FAM13C: variants seen among roughly 807,000 people sequenced by gnomAD.
The protein encoded by FAM13C is protein FAM13C.
Under a neutral mutation model 73.2 loss-of-function variants are expected in FAM13C, and 37 were observed. The ratio of observed to expected loss-of-function variants is 0.51; its 90% CI spans 0.39 to 0.67. FAM13C has a LOEUF of 0.67. Ranked by LOEUF, FAM13C falls within the 30% of genes least tolerant of loss-of-function variation. The pLI is 0.00. For missense variants in FAM13C, 589 were observed against 715.6 expected (o/e 0.82, Z 2.02); for synonymous variants, 246 against 260.9 (o/e 0.94, Z 0.55).
At chr10:59,328,479 C>T (rs1215381870) in intron 3 of FAM13C, among the ~76,000 whole-genome samples, 3 of 151,152 alleles carry the variant, frequency 2.0e-5, no homozygotes, top group Non-Finnish European at 4.4e-5. Flanking sequence ...AAATCCATGG[C>T]CATCAAGAAA....
intron 5 of FAM13C, among the ~76,000 whole-genome samples, chr10:59,295,900 T>C (rs976864455): frequency 6.6e-6 from 1 of 152,204 alleles, no homozygotes; most frequent in Non-Finnish European, 1.5e-5. Context: ...CTAAGTTTTC[T>C]GCTATATGTC....
At chr10:59,251,295 T>A in intron 13 of FAM13C, 1 of 412,882 alleles carries the variant, frequency 2.4e-6, no homozygotes, top group Non-Finnish European at 4.2e-6. Context: ...ATAAATTCAT[T>A]TATTTATGAT....
At chr10:59,323,753 C>A (rs760142073) in intron 4 of FAM13C, among the ~76,000 whole-genome samples, 24 of 152,184 alleles carry the variant, frequency 1.6e-4, no homozygotes, top group Non-Finnish European at 2.5e-4. Flanking sequence ...CCACTTCCCC[C>A]TGAGCCTTAA....
intron 12 of FAM13C, 36 bp downstream of exon 12, chr10:59,252,763 T>C: frequency 6.2e-7 from 1 of 1,601,024 alleles, no homozygotes; most frequent in African/African-American, 1.3e-5. Context: ...CCAGAAGGAG[T>C]TAAGAGGAGA....
At chr10:59,360,949 G>C (rs1856331887) in intron 1 of FAM13C, 1 of 1,123,722 alleles carries the variant, frequency 8.9e-7, no homozygotes, top group African/African-American at 1.6e-5. Context: ...CCGAGGATTT[G>C]GCCACACCAG....
intron 1 of FAM13C, chr10:59,361,212 G>GTTT: frequency 1.5e-5 from 9 of 592,452 alleles, no homozygotes; most frequent in African/African-American, 6.1e-5. Context: ...AGTCAATCCT[G>GTTT]TTTTTTTTTT....
At chr10:59,249,757 T>G (rs916257490) in intron 13 of FAM13C, among the ~76,000 whole-genome samples, 1 of 152,354 alleles carries the variant, frequency 6.6e-6, no homozygotes, top group South Asian at 2.1e-4. Context: ...AGATCATCAC[T>G]TGTGCATTTA....
chr10:59,248,093 C>T (rs956998414), intron 13 of FAM13C, among the ~76,000 whole-genome samples: 6 of 152,074 alleles, frequency 3.9e-5, no homozygotes, highest in African/African-American at 1.4e-4. Context: ...TTGCCACACC[C>T]CTACAGCTGT....
intron 10 of FAM13C, among the ~76,000 whole-genome samples, chr10:59,258,943 C>CAT (rs1315286321): frequency 2.0e-5 from 3 of 152,102 alleles, no homozygotes; most frequent in Non-Finnish European, 4.4e-5. Context: ...ATTACTCATC[C>CAT]CCTTGGTAAT....
intron 5 of FAM13C, among the ~76,000 whole-genome samples, chr10:59,291,013 T>C (rs1308158041): frequency 5.3e-5 from 8 of 152,092 alleles, no homozygotes; most frequent in Non-Finnish European, 1.2e-4. Context: ...GTTCAGTAGG[T>C]CTGAGGCAGG....
In FAM13C at chr10:59,359,853, A is replaced by G. The variant is rs566178098; in HGVS notation, c.62+2546T>C. ...TGATATTGATGATCAGTTAGCTTTGAGAACCACTGGTTTGAATGATAACTA... is the reference window on the plus strand; with the variant it reads ...TGATATTGATGATCAGTTAGCTTTGGGAACCACTGGTTTGAATGATAACTA... On this transcript the variant is annotated intron_variant, in intron 1 of 13. Transcript: ENST00000618804. Among the ~76,000 whole-genome samples, 11 of 152,346 alleles carry G rather than the reference A, an allele frequency of 7.2e-5. No individual in the cohort carries two copies. In the South Asian group the frequency reaches 2.3e-3, roughly 32 times the overall value.
chr10:59,306,597 C>G (rs556545380), intron 4 of FAM13C, among the ~76,000 whole-genome samples: 1 of 152,122 alleles, frequency 6.6e-6, no homozygotes, highest in Non-Finnish European at 1.5e-5. Flanking sequence ...GGTGAGAGGC[C>G]GGGCGTTGTG....
intron 3 of FAM13C, 27 bp downstream of exon 3, chr10:59,352,243 A>G (rs749006976): frequency 1.2e-6 from 2 of 1,612,192 alleles, no homozygotes; most frequent in East Asian, 4.5e-5. Flanking sequence ...CCGTCTTGGC[A>G]AAAGCCTGAG....
chr10:59,338,607 G>C (rs1313072498), intron 3 of FAM13C, among the ~76,000 whole-genome samples: 3 of 152,188 alleles, frequency 2.0e-5, no homozygotes, highest in Non-Finnish European at 4.4e-5. Context: ...CCATGTTGTA[G>C]CTAATTCTCC....
intron 5 of FAM13C, among the ~76,000 whole-genome samples, chr10:59,287,021 G>A (rs190275046): frequency 0.032 from 3,914 of 122,354 alleles, 214 homozygotes; most frequent in African/African-American, 0.12. Flanking sequence ...GCAATAGAGC[G>A]AGACTCCATC....
At chr10:59,298,628 G>A (rs1847199123) in intron 5 of FAM13C, among the ~76,000 whole-genome samples, 1 of 152,152 alleles carries the variant, frequency 6.6e-6, no homozygotes, top group Admixed American at 6.5e-5. Context: ...GTACAATAAT[G>A]TGGCCTGTCT....
chr10:59,300,469 A>T (rs1847468109), intron 5 of FAM13C, among the ~76,000 whole-genome samples: 1 of 152,148 alleles, frequency 6.6e-6, no homozygotes, highest in Admixed American at 6.5e-5. Context: ...AAATAAAGGA[A>T]CAAAAACCAA....
chr10:59,269,395 G>A (rs916843446), intron 7 of FAM13C, among the ~76,000 whole-genome samples: 2 of 148,174 alleles, frequency 1.3e-5, no homozygotes, highest in African/African-American at 5.0e-5. Flanking sequence ...CAAGTGGAAT[G>A]TGTAGGGGGC....
chr10:59,269,855 A>G (rs1843498650), intron 7 of FAM13C, 44 bp downstream of exon 7: 1 of 1,596,956 alleles, frequency 6.3e-7, no homozygotes, highest in Non-Finnish European at 8.6e-7. Context: ...GTGGTATTTG[A>G]AAAACTGTAT....
Sources: allele counts gnomAD v4.1 joint callset (sites outside exome capture counted in the v4.1 genomes callset), GRCh38; gene constraint gnomAD v4.1.1; transcripts MANE v1.5; gene names NCBI Gene and HGNC (gene_info 2026-07-23, HGNC 2026-07-21).